KLRG1: variants seen among roughly 807,000 people sequenced by gnomAD.
The protein encoded by KLRG1 is killer cell lectin like receptor G1.
A neutral mutation model predicts 21.8 loss-of-function variants in KLRG1; 16 were observed. That is an observed-to-expected ratio of 0.73 (90% CI 0.50 to 1.11). The LOEUF is 1.11. KLRG1 is among the 50% of genes most tolerant of loss of function. KLRG1 has a pLI of 0.00. For synonymous variants in KLRG1, 69 were observed against 75.9 expected (o/e 0.91, Z 0.47); for missense variants, 173 against 218.3 (o/e 0.79, Z 1.31).
At chr12:9,082,050 C>T in the KLRG1 span, among the ~76,000 whole-genome samples, 1 of 152,176 alleles carries the variant, frequency 6.6e-6, no homozygotes, top group African/African-American at 2.4e-5. Context: ...GTGACCCCAC[C>T]CAGGTAGCAG....
At chr12:9,202,762 C>G in the KLRG1 span, 5 of 1,375,378 alleles carry the variant, frequency 3.6e-6, no homozygotes, top group Non-Finnish European at 5.0e-6. Flanking sequence ...TTGCTATTTC[C>G]TATCTCTCCT....
the KLRG1 span, among the ~76,000 whole-genome samples, chr12:9,144,886 A>T: frequency 1.3e-5 from 2 of 152,202 alleles, no homozygotes; most frequent in African/African-American, 4.8e-5. Context: ...GTTTATGGTC[A>T]TGCTGACGTT....
At chr12:9,070,600 G>A in the KLRG1 span, 1 of 1,553,258 alleles carries the variant, frequency 6.4e-7, no homozygotes, top group Non-Finnish European at 8.9e-7. Flanking sequence ...GGGGAGGAAA[G>A]GATTAGGGTT....
chr12:9,128,328 G>A, the KLRG1 span: 1 of 160,900 alleles, frequency 6.2e-6, no homozygotes. Context: ...CTGGGAGGTC[G>A]CTGGCCACAC....
the KLRG1 span, chr12:9,150,588 C>A: frequency 2.5e-6 from 3 of 1,176,556 alleles, no homozygotes; most frequent in East Asian, 2.3e-5. Flanking sequence ...TCAACTGTCA[C>A]AACAGGATCC....
the KLRG1 span, among the ~76,000 whole-genome samples, chr12:9,096,606 T>C: frequency 6.6e-6 from 1 of 152,194 alleles, no homozygotes; most frequent in South Asian, 2.1e-4. Flanking sequence ...TCAAGTCCAT[T>C]TGAAGGTGAG....
At chr12:9,028,172 A>G in the KLRG1 span, 3 of 602,378 alleles carry the variant, frequency 5.0e-6, no homozygotes, top group East Asian at 5.8e-5. Flanking sequence ...TTTTTCTGAG[A>G]CAGAGTCTGG....
chr12:9,060,731 G>T, the KLRG1 span, among the ~76,000 whole-genome samples: 1 of 152,270 alleles, frequency 6.6e-6, no homozygotes, highest in African/African-American at 2.4e-5. Flanking sequence ...CTGGATATCT[G>T]CATTTTAAAA....
the KLRG1 span, among the ~76,000 whole-genome samples, chr12:9,163,448 G>A: frequency 6.8e-5 from 9 of 132,536 alleles, no homozygotes; most frequent in African/African-American, 1.7e-4. Flanking sequence ...GCAAAACTCC[G>A]TCTCAAAAAA....
chr12:8,973,500 C>A (rs1215391260), intron 1 of KLRG1, among the ~76,000 whole-genome samples: 1 of 152,194 alleles, frequency 6.6e-6, no homozygotes, highest in African/African-American at 2.4e-5. Flanking sequence ...GGCATAGCAA[C>A]AAGGTGCCAT....
At chr12:9,186,102 G>A in the KLRG1 span, among the ~76,000 whole-genome samples, 1 of 151,932 alleles carries the variant, frequency 6.6e-6, no homozygotes, top group South Asian at 2.1e-4. Flanking sequence ...CACTGCACCT[G>A]GCCAACATTC....
the KLRG1 span, among the ~76,000 whole-genome samples, chr12:9,178,929 A>G: frequency 6.6e-6 from 1 of 152,236 alleles, no homozygotes; most frequent in Non-Finnish European, 1.5e-5. Flanking sequence ...TTTAATAGAC[A>G]TGAAGTAGAA....
the KLRG1 span, chr12:9,202,183 A>G: frequency 5.2e-6 from 4 of 767,654 alleles, no homozygotes; most frequent in Admixed American, 2.6e-5. Flanking sequence ...TAAGACTGCA[A>G]ATCTGTGCTG....
At chr12:9,202,304 A>C in the KLRG1 span, 4 of 1,606,662 alleles carry the variant, frequency 2.5e-6, no homozygotes, top group Non-Finnish European at 3.4e-6. Context: ...CAAACCACAG[A>C]TAGTGGATGC....
chr12:9,079,306 T>A, the KLRG1 span: 1 of 1,613,784 alleles, frequency 6.2e-7, no homozygotes, highest in Non-Finnish European at 8.5e-7. Flanking sequence ...CATCATAGTG[T>A]TTGTAGTTCA....
At chr12:9,196,699 C>T in the KLRG1 span, 2 of 1,550,486 alleles carry the variant, frequency 1.3e-6, no homozygotes, top group African/African-American at 2.7e-5. Flanking sequence ...AGAAAAATAC[C>T]AAAACCAATA....
the KLRG1 span, among the ~76,000 whole-genome samples, chr12:9,039,420 AC>A: frequency 6.6e-6 from 1 of 152,224 alleles, no homozygotes; most frequent in African/African-American, 2.4e-5. Context: ...GATTGACAAA[AC>A]GATCTTATTT....
At chr12:8,996,805 C>T (rs1947145878) in intron 3 of KLRG1, among the ~76,000 whole-genome samples, 1 of 152,184 alleles carries the variant, frequency 6.6e-6, no homozygotes, top group Non-Finnish European at 1.5e-5. Flanking sequence ...CTTGTTGTAG[C>T]AACTCCTATT....
intron 1 of KLRG1, among the ~76,000 whole-genome samples, chr12:8,967,582 C>T (rs1003439561): frequency 2.4e-5 from 3 of 125,918 alleles, no homozygotes; most frequent in African/African-American, 5.1e-5. Context: ...ATTAGCCAGG[C>T]GTGGTGGTGC....
Sources: gnomAD v4.1 joint callset for allele counts (sites outside exome capture counted in the v4.1 genomes callset) on GRCh38, gnomAD v4.1.1 for gene constraint, MANE v1.5 for transcripts, NCBI Gene and HGNC (gene_info 2026-07-23, HGNC 2026-07-21) for gene names.